Variants in CEP85L observed in about 807,000 individuals in gnomAD.
CEP85L encodes the protein centrosomal protein 85L, also known as centrosomal protein of 85 kDa-like.
CEP85L carries 60 observed loss-of-function variants against 100.3 expected under a neutral mutation model. The ratio of observed to expected loss-of-function variants is 0.60; its 90% CI spans 0.49 to 0.74. The LOEUF is 0.74. CEP85L is among the 30% of genes least tolerant of loss of function. The probability of loss-of-function intolerance (pLI) is 0.00; values close to 1 mark genes in which losing one functional copy is unlikely to be tolerated. For synonymous variants in CEP85L, 319 were observed against 322.7 expected (o/e 0.99, Z 0.12); for missense variants, 973 against 936.2 (o/e 1.04, Z -0.51).
Position 118,518,743 on chromosome 6 carries a change from T to C in CEP85L, c.1139+5059A>G, listed in dbSNP as rs148028835. ...GTCTCTATCTCCTTCAGTTCTGCTC[T>C]GATCTTAATAATTTCTTGTCTTCTG... On this transcript the variant is annotated intron_variant, in intron 4 of 12. Coordinates refer to ENST00000368491, the MANE Select transcript of CEP85L (RefSeq NM_001042475.3). 3.7e-3 allele frequency among the ~76,000 whole-genome samples: 568 copies of C among 152,360 alleles called. 3 individuals are homozygous for C. The highest frequency in any genetic ancestry group is 0.013 in the African/African-American group (542 of 41,588).
At chr6:118,585,259 G>C (rs1780792446) in intron 2 of CEP85L, among the ~76,000 whole-genome samples, 1 of 152,214 alleles carries the variant, frequency 6.6e-6, no homozygotes, top group South Asian at 2.1e-4. Context: ...GGTTCTCCAT[G>C]CTCATGCTGC....
At chr6:118,687,613 C>T (rs552354908) in intron 1 of CEP85L, among the ~76,000 whole-genome samples, 1 of 152,306 alleles carries the variant, frequency 6.6e-6, no homozygotes, top group South Asian at 2.1e-4. Context: ...GGGATATAAA[C>T]CCAGGCATTC....
At chr6:118,548,552 G>A (rs928088425) in intron 3 of CEP85L, among the ~76,000 whole-genome samples, 12 of 151,990 alleles carry the variant, frequency 7.9e-5, no homozygotes, top group Non-Finnish European at 1.8e-4. Context: ...ATTTATAAAT[G>A]CTTATCCATT....
intron 3 of CEP85L, among the ~76,000 whole-genome samples, chr6:118,552,565 T>C (rs991511304): frequency 1.3e-5 from 2 of 151,988 alleles, no homozygotes; most frequent in African/African-American, 4.8e-5. Flanking sequence ...CCTAACATGG[T>C]ATATGACATT....
At chr6:118,629,744 C>A (rs1471840448) in intron 2 of CEP85L, among the ~76,000 whole-genome samples, 1 of 152,160 alleles carries the variant, frequency 6.6e-6, no homozygotes, top group Non-Finnish European at 1.5e-5. Flanking sequence ...AAAGTCCTAA[C>A]CCTTCCAACA....
chr6:118,643,972 C>T (rs190131443), intron 1 of CEP85L, among the ~76,000 whole-genome samples: 10 of 152,294 alleles, frequency 6.6e-5, no homozygotes, highest in Non-Finnish European at 1.3e-4. Context: ...AAAACTGAAA[C>T]GTCAGGCAAA....
chr6:118,469,436 T>C (rs1772774208), intron 11 of CEP85L, 133 bp from the exon 12 acceptor site: 3 of 639,346 alleles, frequency 4.7e-6, no homozygotes, highest in Admixed American at 2.8e-5. Context: ...TTAACCAAAT[T>C]CAACTACATA....
rs9401074 is a variant in CEP85L, at chr6:118,505,605, C to G, written c.1257+5693G>C. On this transcript the variant is annotated intron_variant, in intron 5 of 12. Transcript: ENST00000368491. ...GATATAGAGGAAACTTAAATGCATA[C>G]TACTAAGTGAAAGAAGCCAGTTTAA... Among the ~76,000 whole-genome samples the G allele has an allele frequency of 7.2e-4, 109 of 152,080 alleles. 2 individuals carry two copies. In the East Asian group the frequency reaches 0.014, roughly 20 times the overall value.
rs1241604712 is a variant in CEP85L, at chr6:118,487,863, T to C, written c.1437+3823A>G. On this transcript the variant is annotated intron_variant, in intron 6 of 12. Coordinates refer to ENST00000368491, the MANE Select transcript of CEP85L (RefSeq NM_001042475.3). ...AGTGAAGAAACTCCAGATTCAAGTT[T>C]CTCCCTGTGCAGAGAAAGCAATGGA... Among the ~76,000 whole-genome samples, 3 of 152,110 alleles carry C rather than the reference T, an allele frequency of 2.0e-5. No individual in the cohort carries two copies. In the East Asian group the frequency reaches 5.8e-4, roughly 29 times the overall value.
chr6:118,667,287 T>C (rs891010988), intron 1 of CEP85L, among the ~76,000 whole-genome samples: 2 of 152,226 alleles, frequency 1.3e-5, no homozygotes, highest in African/African-American at 4.8e-5. Context: ...GAACTATTCC[T>C]TAAGAATATA....
At chr6:118,544,922 A>G (rs924932169) in intron 3 of CEP85L, among the ~76,000 whole-genome samples, 18 of 152,114 alleles carry the variant, frequency 1.2e-4, no homozygotes, top group South Asian at 1.0e-3. Flanking sequence ...TTTTGCTTAG[A>G]TGTTTTTTGA....
intron 6 of CEP85L, 59 bp from the exon 7 acceptor site, chr6:118,483,917 A>G (rs2114549550): frequency 6.7e-7 from 1 of 1,494,868 alleles, no homozygotes; most frequent in South Asian, 1.2e-5. Context: ...ATATAACAAA[A>G]CCAACACTTT....
At chr6:118,640,792 G>A (rs1774814938) in intron 1 of CEP85L, among the ~76,000 whole-genome samples, 1 of 152,144 alleles carries the variant, frequency 6.6e-6, no homozygotes, top group South Asian at 2.1e-4. Context: ...GCCTCCCAAA[G>A]TACTGGGATT....
chr6:118,474,213 A>G (rs1353839656), intron 10 of CEP85L, among the ~76,000 whole-genome samples: 1 of 152,222 alleles, frequency 6.6e-6, no homozygotes, highest in Non-Finnish European at 1.5e-5. Context: ...CAGTAAGAAG[A>G]GTAAGAGACT....
chr6:118,707,801 C>T (rs1427290485), intron 1 of CEP85L, among the ~76,000 whole-genome samples: 4 of 152,082 alleles, frequency 2.6e-5, no homozygotes, highest in Non-Finnish European at 5.9e-5. Flanking sequence ...ATTCACGGAA[C>T]AGCAAATCTG....
chr6:118,630,651 T>C (rs1774085553), intron 2 of CEP85L, among the ~76,000 whole-genome samples: 1 of 152,162 alleles, frequency 6.6e-6, no homozygotes, highest in African/African-American at 2.4e-5. Flanking sequence ...GAAACTTAAA[T>C]GCATATTACT....
intron 3 of CEP85L, among the ~76,000 whole-genome samples, chr6:118,524,289 A>C (rs1234735834): frequency 6.6e-6 from 1 of 151,982 alleles, no homozygotes; most frequent in Non-Finnish European, 1.5e-5. Context: ...CTAAAAATAC[A>C]AAAAATTAGC....
intron 12 of CEP85L, 59 bp downstream of exon 12, chr6:118,469,013 G>T: frequency 8.6e-7 from 1 of 1,169,222 alleles, no homozygotes; most frequent in Non-Finnish European, 1.3e-6. Flanking sequence ...GGAAGTTCCT[G>T]ATTCATGAAG....
At chr6:118,620,676 A>G (rs1773379349) in intron 2 of CEP85L, among the ~76,000 whole-genome samples, 1 of 152,136 alleles carries the variant, frequency 6.6e-6, no homozygotes, top group African/African-American at 2.4e-5. Context: ...GCCCCGGGTA[A>G]GCTCAACCAT....
Sources: allele counts gnomAD v4.1 joint callset (sites outside exome capture counted in the v4.1 genomes callset), GRCh38; gene constraint gnomAD v4.1.1; transcripts MANE v1.5; gene names NCBI Gene and HGNC (gene_info 2026-07-23, HGNC 2026-07-21).